ATR: variants seen among roughly 807,000 people sequenced by gnomAD.
ATR encodes the protein serine/threonine-protein kinase ATR.
In ATR, 142 loss-of-function variants were observed where a neutral mutation model predicts 305.3. That is an observed-to-expected ratio of 0.47 (90% CI 0.41 to 0.53). ATR has a LOEUF of 0.53. Ranked by LOEUF, ATR falls within the 20% of genes least tolerant of loss-of-function variation. The pLI, the probability that ATR is intolerant of heterozygous loss-of-function variation, is 0.00. For synonymous variants in ATR, 1,050 were observed against 1,068.1 expected (o/e 0.98, Z 0.33); for missense variants, 2,135 against 3,133.1 (o/e 0.68, Z 7.60).
chr3:142,452,713 A>T, intron 46 of ATR: 1 of 1,065,484 alleles, frequency 9.4e-7, no homozygotes, highest in Non-Finnish European at 1.1e-6. Context: ...CAACAACAAC[A>T]AAACTATCTG....
At chr3:142,572,260 G>A (rs538887997) in intron 1 of ATR, among the ~76,000 whole-genome samples, 1 of 150,778 alleles carries the variant, frequency 6.6e-6, no homozygotes, top group African/African-American at 2.4e-5. Context: ...TAGTAGAGAC[G>A]GGGTTGCACC....
chr3:142,577,693 A>T (rs2035485143), intron 1 of ATR, among the ~76,000 whole-genome samples: 1 of 151,146 alleles, frequency 6.6e-6, no homozygotes, highest in Non-Finnish European at 1.5e-5. Context: ...CTTTGTGTGG[A>T]AAGTTTTCAA....
chr3:142,504,947 T>C (rs1175206505), intron 29 of ATR, among the ~76,000 whole-genome samples, 192 bp downstream of exon 29: 1 of 151,986 alleles, frequency 6.6e-6, no homozygotes, highest in Admixed American at 6.6e-5. Context: ...CTCGGGAGGC[T>C]GAGGCAGAAT....
At chr3:142,561,464 ATATATT>A (rs1160260954) in intron 4 of ATR, 43 bp from the exon 5 acceptor site, 18 of 1,531,816 alleles carry the variant, frequency 1.2e-5, no homozygotes, top group Non-Finnish European at 1.5e-5. Flanking sequence ...TCCTTAGAAA[ATATATT>A]TATATTATTC....
intron 46 of ATR, chr3:142,450,678 A>C (rs2070768167): frequency 6.3e-7 from 1 of 1,598,594 alleles, no homozygotes; most frequent in African/African-American, 1.3e-5. Context: ...CAATTTAAAA[A>C]ATCCTGATTA....
Position 142,457,548 on chromosome 3 carries a change from G to T in ATR, c.7655+56C>A. Reference sequence around the variant, plus strand: ...TACATAAAAACAAACATATGTAGGGGCCAATAATTATATTCGAGGTTACTG... The same window carrying T: ...TACATAAAAACAAACATATGTAGGGTCCAATAATTATATTCGAGGTTACTG... On this transcript the variant is annotated intron_variant, in intron 45 of 46. Coordinates refer to ENST00000350721, the MANE Select transcript of ATR (RefSeq NM_001184.4). 5 of 1,604,062 alleles carry T rather than the reference G, an allele frequency of 3.1e-6. No individual in the cohort carries two copies. In the South Asian group the frequency reaches 5.5e-5, roughly 18 times the overall value.
chr3:142,454,437 CTTTTTT>C (rs760823609), intron 45 of ATR, among the ~76,000 whole-genome samples: 2,258 of 101,514 alleles, frequency 0.022, 24 homozygotes, highest in South Asian at 0.053. Context: ...TGATAGACAG[CTTTTTT>C]TTTTTTTTTT....
chr3:142,478,404 T>G (rs903793457), intron 36 of ATR, among the ~76,000 whole-genome samples: 1 of 152,152 alleles, frequency 6.6e-6, no homozygotes, highest in Non-Finnish European at 1.5e-5. Context: ...GCAGTTTTGA[T>G]TGAGTTTCTT....
At chr3:142,514,400 C>T (rs1043666027) in intron 25 of ATR, among the ~76,000 whole-genome samples, 3 of 151,696 alleles carry the variant, frequency 2.0e-5, no homozygotes, top group Non-Finnish European at 4.4e-5. Context: ...GGGGCAGAGG[C>T]GGGCAGATCA....
At position 142,460,443 on chromosome 3, in the gene ATR, G is replaced by A. The variant is rs1466567771; in HGVS notation, c.7193-1060C>T. Among the ~76,000 whole-genome samples, 3 of 152,182 alleles carry A rather than the reference G, an allele frequency of 2.0e-5. No homozygotes were observed. The East Asian group carries it at 5.8e-4, about 29-fold the overall frequency. On this transcript the variant is annotated intron_variant, in intron 42 of 46. Transcript: ENST00000350721. The stretch of plus-strand genomic sequence containing the variant: ...ATAATCCAGTGACTGGTGTTCTTAT[G>A]AGAAAATAGAGACACAGAGACATAG...
chr3:142,465,250 G>A lies in ATR; in HGVS notation c.6898-10C>T, dbSNP rs754517957. The A allele has an allele frequency of 6.2e-7, 1 of 1,605,254 alleles. No homozygotes were observed. The highest frequency in any genetic ancestry group is 2.2e-5 in the East Asian group (1 of 44,452). On this transcript the variant is annotated splice_polypyrimidine_tract_variant and intron_variant, in intron 40 of 46. Coordinates refer to ENST00000350721, the MANE Select transcript of ATR (RefSeq NM_001184.4). ...AAGCAAGAATTTCCACCTAAAAGAT[G>A]ATGAGTTATATATGAATTAGGGCCA...
At chr3:142,503,493 C>T in intron 29 of ATR, 40 bp from the exon 30 acceptor site, 1 of 1,326,668 alleles carries the variant, frequency 7.5e-7, no homozygotes, top group Non-Finnish European at 1.1e-6. Context: ...ATTATCACTT[C>T]AATAATAGCT....
intron 36 of ATR, among the ~76,000 whole-genome samples, chr3:142,479,343 T>A (rs564491581): frequency 1.8e-4 from 28 of 152,264 alleles, no homozygotes; most frequent in African/African-American, 2.6e-4. Flanking sequence ...TCCTTCACTT[T>A]TGAAGCTTAG....
At chr3:142,472,117 GT>G in intron 36 of ATR, 1 of 140,904 alleles carries the variant, frequency 7.1e-6, no homozygotes, top group African/African-American at 2.5e-5. Flanking sequence ...GTGTGTGTGT[GT>G]GTGTGTATAA....
At chr3:142,554,073 GT>G in intron 10 of ATR, 58 bp from the exon 11 acceptor site, 1 of 1,386,482 alleles carries the variant, frequency 7.2e-7, no homozygotes, top group Non-Finnish European at 9.9e-7. Flanking sequence ...AGGTTGTACT[GT>G]AAAAATATTG....
Position 142,562,762 on chromosome 3 carries a change from T to A in ATR, c.640A>T (p.Thr214Ser). The A allele has an allele frequency of 6.2e-7, 1 of 1,611,272 alleles. No homozygotes were observed. The highest frequency in any genetic ancestry group is 8.5e-7 in the Non-Finnish European group (1 of 1,179,264). The stretch of plus-strand genomic sequence containing the variant: ...AAAAACACAATTGCAATAATACGAG[T>A]AAGAACCATTAATAAAGTGACTTCA... The part of the protein sequence containing the change: ...FIEVTLLMVL[T>S]RIIAIVFFRR... Residue 214 changes from threonine (T) to serine (S), a missense_variant, in exon 4 of 47, where the codon ACT (threonine) becomes TCT (serine). Physicochemically the swap from Thr to Ser is moderately conservative, Grantham distance 58. This residue lies in a region of ATR where 744 missense variants were observed against 873.2 expected (regional missense o/e 0.85). Coordinates refer to ENST00000350721, the MANE Select transcript of ATR (RefSeq NM_001184.4).
In ATR at chr3:142,509,545, ATTTTTTTTTTTT is replaced by A. The variant is rs71629538; in HGVS notation, c.4853-1448_4853-1437del. ...AATTTGTAGATGATTTCAAATTCTG[ATTTTTTTTTTTT>A]TTTTTTTTTTTTTTTTGGAGACAGG... is the stretch of plus-strand genomic sequence containing the variant. On this transcript the variant is annotated intron_variant, in intron 27 of 46. Coordinates refer to ENST00000350721, the MANE Select transcript of ATR (RefSeq NM_001184.4). 2.1e-3 allele frequency among the ~76,000 whole-genome samples: 155 copies of A among 73,824 alleles called. 1 individual carries two copies. Among genetic ancestry groups the A allele is most frequent in the African/African-American group, 8.2e-3 (149 of 18,204 alleles). 48.4% of individuals were successfully genotyped at this position (73,824 alleles called of 152,430 possible).
intron 36 of ATR, among the ~76,000 whole-genome samples, chr3:142,481,562 A>C (rs371673526): frequency 4.6e-5 from 7 of 152,258 alleles, no homozygotes; most frequent in African/African-American, 1.7e-4. Context: ...TTTGACCTCC[A>C]TGACTTCTGG....
At chr3:142,541,751 C>A (rs535059984) in intron 17 of ATR, among the ~76,000 whole-genome samples, 1 of 152,016 alleles carries the variant, frequency 6.6e-6, no homozygotes, top group Non-Finnish European at 1.5e-5. Flanking sequence ...AGGAAAGAAG[C>A]CATGTAGATG....
Sources: allele counts gnomAD v4.1 joint callset (sites outside exome capture counted in the v4.1 genomes callset), GRCh38; gene constraint gnomAD v4.1.1; regional missense constraint gnomAD v4.1.1; transcripts MANE v1.5; gene names NCBI Gene and HGNC (gene_info 2026-07-23, HGNC 2026-07-21).